The following ZNF804A variants were observed in gnomAD, a reference collection of about 807,000 sequenced individuals.
ZNF804A encodes the protein zinc finger protein 804A.
Under a neutral mutation model 16.5 loss-of-function variants are expected in ZNF804A, and 2 were observed. The observed-to-expected ratio is 0.12, with a 90% CI of 0.05 to 0.38. The LOEUF (loss-of-function observed/expected upper bound fraction) is 0.38, where lower values mean the gene tolerates loss of function less well. Among genes scored for constraint, ZNF804A ranks in the 10% least tolerant of loss-of-function variants. The pLI, the probability that ZNF804A is intolerant of heterozygous loss-of-function variation, is 0.99. For synonymous variants in ZNF804A, 534 were observed against 489.6 expected (o/e 1.09, Z -1.20); for missense variants, 1,473 against 1,390.7 (o/e 1.06, Z -0.94).
intron 1 of ZNF804A, among the ~76,000 whole-genome samples, chr2:184,732,146 C>A (rs912277670): frequency 2.0e-5 from 3 of 151,890 alleles, no homozygotes; most frequent in Non-Finnish European, 4.4e-5. Flanking sequence ...ATCTAAGTTT[C>A]TTTCTATGTT....
chr2:184,663,880 T>C (rs932694703), intron 1 of ZNF804A, among the ~76,000 whole-genome samples: 1 of 152,148 alleles, frequency 6.6e-6, no homozygotes, highest in Non-Finnish European at 1.5e-5. Flanking sequence ...AGCACAAAGC[T>C]TAATTCAACA....
chr2:184,864,378 C>A (rs754347410), intron 1 of ZNF804A, among the ~76,000 whole-genome samples: 7 of 152,118 alleles, frequency 4.6e-5, no homozygotes, highest in Non-Finnish European at 7.4e-5. Context: ...CCCTTATCAC[C>A]CAAACACCTC....
At chr2:184,831,368 T>C (rs764138273) in intron 1 of ZNF804A, among the ~76,000 whole-genome samples, 29 of 152,088 alleles carry the variant, frequency 1.9e-4, no homozygotes, top group Non-Finnish European at 4.0e-4. Flanking sequence ...ACTCTTTCTC[T>C]GAATGAAACT....
At chr2:184,854,431 C>A (rs552946077) in intron 1 of ZNF804A, among the ~76,000 whole-genome samples, 1 of 152,050 alleles carries the variant, frequency 6.6e-6, no homozygotes, top group Non-Finnish European at 1.5e-5. Context: ...CAACAAGTTC[C>A]CTGTGATGCC....
intron 1 of ZNF804A, among the ~76,000 whole-genome samples, chr2:184,771,394 G>T (rs1694210882): frequency 6.6e-6 from 1 of 151,752 alleles, no homozygotes. Flanking sequence ...GACAGGTTTT[G>T]CTGGGAACTC....
At chr2:184,731,109 G>C (rs919046183) in intron 1 of ZNF804A, among the ~76,000 whole-genome samples, 2 of 151,554 alleles carry the variant, frequency 1.3e-5, no homozygotes, top group Non-Finnish European at 2.9e-5. Context: ...AAATTCGGCA[G>C]GTGTGGTGGC....
At chr2:184,710,205 G>A (rs1693103753) in intron 1 of ZNF804A, among the ~76,000 whole-genome samples, 1 of 151,520 alleles carries the variant, frequency 6.6e-6, no homozygotes, top group Non-Finnish European at 1.5e-5. Flanking sequence ...AATTGTGTAA[G>A]TTTTGAAGTA....
chr2:184,933,135 A>ACAGACACG (rs1685729239), intron 2 of ZNF804A, among the ~76,000 whole-genome samples: 1 of 106,426 alleles, frequency 9.4e-6, no homozygotes, highest in Non-Finnish European at 1.9e-5. Flanking sequence ...TCACTTACAC[A>ACAGACACG]CACACACGCA....
chr2:184,656,749 CAT>C (rs1189144867), intron 1 of ZNF804A, among the ~76,000 whole-genome samples: 2 of 150,278 alleles, frequency 1.3e-5, no homozygotes, highest in African/African-American at 2.4e-5. Flanking sequence ...CACACACACA[CAT>C]ATATATATAC....
chr2:184,842,081 C>T (rs1377794403), intron 1 of ZNF804A, among the ~76,000 whole-genome samples: 1 of 152,162 alleles, frequency 6.6e-6, no homozygotes, highest in African/African-American at 2.4e-5. Context: ...GTATCTTCTC[C>T]ATCCAATTTT....
At chr2:184,791,413 A>G (rs2105778717) in intron 1 of ZNF804A, among the ~76,000 whole-genome samples, 1 of 152,284 alleles carries the variant, frequency 6.6e-6, no homozygotes, top group Non-Finnish European at 1.5e-5. Flanking sequence ...TCCTTCATTT[A>G]TGAAGTTTAG....
intron 2 of ZNF804A, among the ~76,000 whole-genome samples, chr2:184,917,103 G>T (rs1685460425): frequency 6.6e-6 from 1 of 152,076 alleles, no homozygotes; most frequent in South Asian, 2.1e-4. Flanking sequence ...ACTGGTGTTT[G>T]ACCAATATAT....
intron 1 of ZNF804A, among the ~76,000 whole-genome samples, chr2:184,724,181 G>C (rs931832076): frequency 6.6e-6 from 1 of 151,604 alleles, no homozygotes; most frequent in African/African-American, 2.4e-5. Flanking sequence ...CAAGCAGCTG[G>C]TAGTAAAAGA....
At chr2:184,733,913 CAGTT>C (rs1337213980) in intron 1 of ZNF804A, among the ~76,000 whole-genome samples, 2 of 150,184 alleles carry the variant, frequency 1.3e-5, no homozygotes, top group Non-Finnish European at 3.0e-5. Context: ...TTTTTTTTCT[CAGTT>C]AGCTTGTCTA....
At chr2:184,667,503 A>G (rs563785277) in intron 1 of ZNF804A, among the ~76,000 whole-genome samples, 1 of 152,016 alleles carries the variant, frequency 6.6e-6, no homozygotes, top group Non-Finnish European at 1.5e-5. Flanking sequence ...AGGATCTACT[A>G]TGTCAAAGAC....
At chr2:184,858,270 G>A (rs916115882) in intron 1 of ZNF804A, among the ~76,000 whole-genome samples, 12 of 151,900 alleles carry the variant, frequency 7.9e-5, no homozygotes, top group African/African-American at 1.9e-4. Flanking sequence ...TTGGGAGGCC[G>A]AGGCAGGTGG....
At chr2:184,892,808 A>G (rs1368522349) in intron 2 of ZNF804A, among the ~76,000 whole-genome samples, 4 of 152,154 alleles carry the variant, frequency 2.6e-5, no homozygotes, top group Non-Finnish European at 5.9e-5. Flanking sequence ...AAGCAAATAT[A>G]CACACAAACC....
chr2:184,745,628 T>A (rs1278629530), intron 1 of ZNF804A, among the ~76,000 whole-genome samples: 1 of 151,578 alleles, frequency 6.6e-6, no homozygotes, highest in African/African-American at 2.4e-5. Context: ...GAACATAAAC[T>A]CATGCATATT....
At chr2:184,883,022 G>C (rs1180580719) in intron 2 of ZNF804A, among the ~76,000 whole-genome samples, 1 of 151,866 alleles carries the variant, frequency 6.6e-6, no homozygotes, top group African/African-American at 2.4e-5. Context: ...GAATAAATAA[G>C]ATAGATCACT....
Sources: allele counts gnomAD v4.1 joint callset (sites outside exome capture counted in the v4.1 genomes callset), GRCh38; gene constraint gnomAD v4.1.1; transcripts MANE v1.5; gene names NCBI Gene and HGNC (gene_info 2026-07-23, HGNC 2026-07-21).